Variants in KCNK13 observed in about 807,000 individuals in gnomAD.
KCNK13 encodes the protein potassium channel subfamily K member 13.
A neutral mutation model predicts 23.4 loss-of-function variants in KCNK13; 12 were observed. The ratio of observed to expected loss-of-function variants is 0.51; its 90% CI spans 0.33 to 0.83. The LOEUF (loss-of-function observed/expected upper bound fraction) is 0.83. Among genes scored for constraint, KCNK13 ranks in the 40% least tolerant of loss-of-function variants. The pLI is 0.02. For missense variants in KCNK13, 463 were observed against 556.3 expected, an observed-to-expected ratio of 0.83 and a Z score of 1.69; for synonymous variants, 231 against 229.5, an observed-to-expected ratio of 1.01 and a Z score of -0.06.
chr14:90,093,722 T>C (rs1889375783), intron 1 of KCNK13, among the ~76,000 whole-genome samples: 1 of 152,180 alleles, frequency 6.6e-6, no homozygotes, highest in Non-Finnish European at 1.5e-5. Context: ...ATGGGCTGTC[T>C]CAGTTCCATA....
At chr14:90,130,704 C>A (rs367618338) in intron 1 of KCNK13, among the ~76,000 whole-genome samples, 3 of 152,120 alleles carry the variant, frequency 2.0e-5, no homozygotes, top group East Asian at 3.9e-4. Context: ...AGCCCAGCTA[C>A]TTGGGAGGCT....
rs1889271649 is a variant in KCNK13 at position 90,085,956 on chromosome 14, C to T, written c.334+23417C>T. 2.7e-5 allele frequency among the ~76,000 whole-genome samples: 4 copies of T among 149,424 alleles called. No homozygotes were observed. The South Asian group carries it at 8.4e-4, about 31-fold the overall frequency. ...GTCTTGTTTTGGTATCAGGATAATA[C>T]TATAGATCTATAGAATTAGTTGGGG... On this transcript the variant is annotated intron_variant, in intron 1 of 1. Transcript: ENST00000282146.
chr14:90,096,835 G>A (rs1170573088), intron 1 of KCNK13, among the ~76,000 whole-genome samples: 1 of 152,142 alleles, frequency 6.6e-6, no homozygotes, highest in Admixed American at 6.5e-5. Context: ...ATTCTTGGCT[G>A]CTGATCACCA....
At chr14:90,142,507 A>T (rs1224341735) in intron 1 of KCNK13, among the ~76,000 whole-genome samples, 2 of 151,066 alleles carry the variant, frequency 1.3e-5, no homozygotes, top group Non-Finnish European at 3.0e-5. Context: ...TTTAGTAGAG[A>T]TGGGGTTTCA....
At chr14:90,132,693 A>T (rs543603069) in intron 1 of KCNK13, among the ~76,000 whole-genome samples, 18 of 152,178 alleles carry the variant, frequency 1.2e-4, no homozygotes, top group Non-Finnish European at 2.5e-4. Flanking sequence ...TGGTTGTACA[A>T]TGTGAATGTA....
At chr14:90,146,206 A>G (rs1246000891) in intron 1 of KCNK13, among the ~76,000 whole-genome samples, 3 of 152,132 alleles carry the variant, frequency 2.0e-5, no homozygotes, top group African/African-American at 4.8e-5. Context: ...CTCTTTATCC[A>G]TTATAGAAGA....
At position 90,062,543 on chromosome 14, in the gene KCNK13, A is replaced by T. The variant is rs1360089527; in HGVS notation, c.334+4A>T. On this transcript the variant is annotated splice_donor_region_variant and intron_variant, in intron 1 of 1. Transcript: ENST00000282146. This position sits in a 1 kb window ranked among gnomAD's most constrained non-coding sequence, Gnocchi z 4.5. ...GGCACCGTCGTTTCCACCATAGGTA[A>T]GTGTGCTGGCCGGACTCGCTGACAA... The T allele has an allele frequency of 1.3e-6, 2 of 1,488,492 alleles. No homozygotes were observed. The highest frequency in any genetic ancestry group is 1.4e-5 in the African/African-American group (1 of 69,636). The allele number at this position is 1,488,492 out of a possible 1,614,324, so 92.2% of individuals were successfully genotyped here.
At chr14:90,107,951 G>T in intron 1 of KCNK13, 1 of 738,446 alleles carries the variant, frequency 1.4e-6, no homozygotes, top group South Asian at 1.3e-5. Flanking sequence ...GCAATAGAGT[G>T]GGGAACTGCT....
At position 90,098,838 on chromosome 14, in the gene KCNK13, G is replaced by T. The variant is rs4396467; in HGVS notation, c.334+36299G>T. Among the ~76,000 whole-genome samples the T allele has an allele frequency of 1.3e-4, 20 of 152,082 alleles. No individual in the cohort carries two copies. In the East Asian group the frequency reaches 1.5e-3, roughly 12 times the overall value. Reference sequence around the variant, plus strand: ...TCACGCCTGTAATCCCGGCACTTTGGGGGGGCCGAGGCAGGTGGATCATGA... The same window carrying T: ...TCACGCCTGTAATCCCGGCACTTTGTGGGGGCCGAGGCAGGTGGATCATGA... On this transcript the variant is annotated intron_variant, in intron 1 of 1. Transcript: ENST00000282146.
chr14:90,099,298 A>G (rs1889447953), intron 1 of KCNK13, among the ~76,000 whole-genome samples: 1 of 152,138 alleles, frequency 6.6e-6, no homozygotes. Context: ...TGCCTCTGAC[A>G]TTGTTAGGAG....
At position 90,185,210 on chromosome 14, in the gene KCNK13, C is replaced by T. The variant is rs1170124826; in HGVS notation, c.*207C>T. ...GGCCTGAAGCCTCGATGCTTGTCTCCTGATCCTTATTCTTTAAGTCTAAAT... is the reference window on the plus strand; with the variant it reads ...GGCCTGAAGCCTCGATGCTTGTCTCTTGATCCTTATTCTTTAAGTCTAAAT... On this transcript the variant is annotated 3_prime_UTR_variant, in exon 2 of 2. Transcript: ENST00000282146. The T allele has an allele frequency of 2.0e-6, 1 of 495,200 alleles. No homozygotes were observed. The highest frequency in any genetic ancestry group is 3.0e-5 in the East Asian group (1 of 32,946). The allele number at this position is 495,200 out of a possible 1,614,324, so 30.7% of individuals were successfully genotyped here.
At chr14:90,177,062 G>T (rs1890430359) in intron 1 of KCNK13, among the ~76,000 whole-genome samples, 1 of 152,116 alleles carries the variant, frequency 6.6e-6, no homozygotes, top group East Asian at 1.9e-4. Flanking sequence ...CAGGTGTGGT[G>T]ATGCAACCTG....
chr14:90,166,879 G>A (rs1004269654), intron 1 of KCNK13, among the ~76,000 whole-genome samples: 3 of 152,062 alleles, frequency 2.0e-5, no homozygotes, highest in Non-Finnish European at 4.4e-5. Flanking sequence ...CCAAATCACA[G>A]AATATTGACA....
chr14:90,142,964 T>C (rs1450229075), intron 1 of KCNK13, among the ~76,000 whole-genome samples: 1 of 152,126 alleles, frequency 6.6e-6, no homozygotes, highest in Non-Finnish European at 1.5e-5. Context: ...GGGGAACTAG[T>C]GGAAGATAAG....
chr14:90,179,716 C>T (rs778547248), intron 1 of KCNK13, among the ~76,000 whole-genome samples: 8 of 152,124 alleles, frequency 5.3e-5, no homozygotes, highest in East Asian at 3.9e-4. Flanking sequence ...GAATATATTA[C>T]GTATTGAAAG....
At chr14:90,120,951 T>C (rs543215594) in intron 1 of KCNK13, among the ~76,000 whole-genome samples, 23 of 152,226 alleles carry the variant, frequency 1.5e-4, no homozygotes, top group African/African-American at 5.1e-4. Flanking sequence ...GGGTACAGAA[T>C]TGGATAAATA....
chr14:90,156,508 C>T (rs911854512), intron 1 of KCNK13, among the ~76,000 whole-genome samples: 1 of 151,706 alleles, frequency 6.6e-6, no homozygotes, highest in Admixed American at 6.6e-5. Flanking sequence ...CAGGGTTTTG[C>T]AAGGGAGCAA....
chr14:90,179,255 TAGG>T (rs1297439550), intron 1 of KCNK13, among the ~76,000 whole-genome samples: 1 of 151,756 alleles, frequency 6.6e-6, no homozygotes, highest in African/African-American at 2.4e-5. Context: ...ATTTGGAAAA[TAGG>T]AGTTTATTAT....
chr14:90,183,221 T>G (rs1890508019), intron 1 of KCNK13, among the ~76,000 whole-genome samples: 1 of 152,202 alleles, frequency 6.6e-6, no homozygotes, highest in South Asian at 2.1e-4. Flanking sequence ...TTTTATAGTT[T>G]ATCAATGTAT....
Sources: allele counts gnomAD v4.1 joint callset (sites outside exome capture counted in the v4.1 genomes callset), GRCh38; gene constraint gnomAD v4.1.1; non-coding constraint Gnocchi (gnomAD v3.1); transcripts MANE v1.5; gene names NCBI Gene and HGNC (gene_info 2026-07-23, HGNC 2026-07-21).